The following SLC7A14 variants were observed in gnomAD, a reference collection of about 807,000 sequenced individuals.
SLC7A14 encodes the protein gamma-aminobutyric acid transporter SLC7A14.
Under a neutral mutation model 60.2 loss-of-function variants are expected in SLC7A14, and 37 were observed. That is an observed-to-expected ratio of 0.61 (90% confidence interval 0.47 to 0.81). The LOEUF (loss-of-function observed/expected upper bound fraction) is 0.81. Among genes scored for constraint, SLC7A14 ranks in the 30% least tolerant of loss-of-function variants. The pLI is 0.00. For synonymous variants in SLC7A14, 399 were observed against 395.8 expected (o/e 1.01, Z -0.10); for missense variants, 886 against 982.7 (o/e 0.90, Z 1.32).
intron 1 of SLC7A14, among the ~76,000 whole-genome samples, chr3:170,537,005 A>G (rs1436855528): frequency 6.6e-6 from 1 of 152,096 alleles, no homozygotes; most frequent in Non-Finnish European, 1.5e-5. Flanking sequence ...CACTAACTGG[A>G]CTCCTAAGAT....
intron 2 of SLC7A14, among the ~76,000 whole-genome samples, chr3:170,524,509 C>T (rs922177791): frequency 1.4e-5 from 1 of 72,716 alleles, no homozygotes; most frequent in Admixed American, 1.5e-4. Context: ...GAGACTGGGT[C>T]AAAATGGATG....
At chr3:170,564,840 T>A (rs1367214142) in intron 1 of SLC7A14, among the ~76,000 whole-genome samples, 1 of 152,204 alleles carries the variant, frequency 6.6e-6, no homozygotes, top group Non-Finnish European at 1.5e-5. Flanking sequence ...TAATGTAACT[T>A]GCACTTTCTA....
At chr3:170,527,604 A>T (rs911340802) in intron 1 of SLC7A14, among the ~76,000 whole-genome samples, 1 of 152,234 alleles carries the variant, frequency 6.6e-6, no homozygotes, top group Admixed American at 6.5e-5. Flanking sequence ...AATTAGATCC[A>T]TGAGTCTTAA....
intron 1 of SLC7A14, among the ~76,000 whole-genome samples, chr3:170,554,897 G>C (rs147756234): frequency 0.01 from 1,523 of 152,242 alleles, 77 homozygotes; most frequent in East Asian, 0.078. Context: ...GGACGGGCGC[G>C]GTGGCTCACG....
intron 2 of SLC7A14, among the ~76,000 whole-genome samples, chr3:170,514,471 T>A (rs1053382362): frequency 6.6e-6 from 1 of 152,260 alleles, no homozygotes; most frequent in African/African-American, 2.4e-5. Flanking sequence ...AAGTACTTTG[T>A]CATGATACCT....
At chr3:170,469,809 C>A (rs187912603) in intron 7 of SLC7A14, among the ~76,000 whole-genome samples, 2 of 152,044 alleles carry the variant, frequency 1.3e-5, no homozygotes, top group East Asian at 1.9e-4. Context: ...TGCTTATAGA[C>A]GACTCATTTC....
At chr3:170,568,369 T>A (rs1022959962) in intron 1 of SLC7A14, among the ~76,000 whole-genome samples, 17 of 152,346 alleles carry the variant, frequency 1.1e-4, no homozygotes, top group African/African-American at 4.1e-4. Flanking sequence ...TTGATCTATA[T>A]CTCTGTTTTG....
intron 3 of SLC7A14, among the ~76,000 whole-genome samples, chr3:170,500,610 T>C (rs1039697252): frequency 3.3e-5 from 5 of 152,132 alleles, no homozygotes; most frequent in Non-Finnish European, 4.4e-5. Context: ...TTTTTTTTCA[T>C]TGAAATTTGG....
chr3:170,484,528 GC>G (rs1272175607), intron 5 of SLC7A14, among the ~76,000 whole-genome samples: 2 of 152,176 alleles, frequency 1.3e-5, no homozygotes, highest in Admixed American at 1.3e-4. Flanking sequence ...GATATGGGGG[GC>G]CCCCCAGGCC....
At chr3:170,505,214 A>G (rs1712740024) in intron 2 of SLC7A14, among the ~76,000 whole-genome samples, 1 of 151,990 alleles carries the variant, frequency 6.6e-6, no homozygotes, top group Non-Finnish European at 1.5e-5. Context: ...CTTGATCATC[A>G]TTTTGGAAGA....
intron 1 of SLC7A14, among the ~76,000 whole-genome samples, chr3:170,547,048 G>A (rs1376919813): frequency 5.3e-5 from 8 of 152,146 alleles, no homozygotes; most frequent in Non-Finnish European, 1.2e-4. Flanking sequence ...GCCTTCCCAG[G>A]TGATTCTAAT....
At chr3:170,496,304 G>A in intron 4 of SLC7A14, 4 of 1,014,672 alleles carry the variant, frequency 3.9e-6, no homozygotes, top group South Asian at 1.3e-5. Context: ...AGCTGCAGAC[G>A]CTGGCTGGCA....
At chr3:170,479,499 A>G (rs1051903862) in intron 7 of SLC7A14, among the ~76,000 whole-genome samples, 2 of 152,232 alleles carry the variant, frequency 1.3e-5, no homozygotes, top group African/African-American at 2.4e-5. Context: ...AAAATTAGAA[A>G]TCTTAGAGAA....
chr3:170,533,650 AGT>A (rs55850380), intron 1 of SLC7A14, among the ~76,000 whole-genome samples: 641 of 148,912 alleles, frequency 4.3e-3, no homozygotes, highest in East Asian at 0.021. Context: ...CATCTGGCCC[AGT>A]GTGTGTGTGT....
At chr3:170,482,168 T>C (rs35857811) in intron 6 of SLC7A14, among the ~76,000 whole-genome samples, 79,749 of 152,004 alleles carry the variant, frequency 0.52, 22,941 homozygotes, top group Middle Eastern at 0.66. Context: ...CTGAATGGCA[T>C]GTGCAATAGG....
chr3:170,536,701 G>T (rs985852882), intron 1 of SLC7A14, among the ~76,000 whole-genome samples: 1 of 152,158 alleles, frequency 6.6e-6, no homozygotes, highest in African/African-American at 2.4e-5. Context: ...GCTTGCTAAG[G>T]TTTCTATTTT....
intron 7 of SLC7A14, among the ~76,000 whole-genome samples, chr3:170,478,451 C>T (rs1341036841): frequency 2.6e-5 from 4 of 152,078 alleles, no homozygotes. Flanking sequence ...AGAAATCCTC[C>T]TGAAGTCTAA....
chr3:170,577,981 C>T (rs1307623284), intron 1 of SLC7A14, among the ~76,000 whole-genome samples: 1 of 152,214 alleles, frequency 6.6e-6, no homozygotes, highest in Non-Finnish European at 1.5e-5. Flanking sequence ...CCAAGCCTAC[C>T]TCCAGGAAAT....
chr3:170,574,257 A>G (rs558269335), intron 1 of SLC7A14, among the ~76,000 whole-genome samples: 1 of 152,360 alleles, frequency 6.6e-6, no homozygotes, highest in African/African-American at 2.4e-5. Flanking sequence ...TTGATTTAAA[A>G]AAGTCTTTTA....
Sources: allele counts gnomAD v4.1 joint callset (sites outside exome capture counted in the v4.1 genomes callset), GRCh38; gene constraint gnomAD v4.1.1; transcripts MANE v1.5; gene names NCBI Gene and HGNC (gene_info 2026-07-23, HGNC 2026-07-21).